SLC16A14: variants seen among roughly 807,000 people sequenced by gnomAD.
SLC16A14 encodes the protein monocarboxylate transporter 14.
Under a neutral mutation model 35.8 loss-of-function variants are expected in SLC16A14, and 14 were observed. That is an observed-to-expected ratio of 0.39 (90% CI 0.26 to 0.61). SLC16A14 has a LOEUF of 0.61. Among genes scored for constraint, SLC16A14 ranks in the 20% least tolerant of loss-of-function variants. The pLI, the probability that SLC16A14 is intolerant of heterozygous loss-of-function variation, is 0.51. For synonymous variants in SLC16A14, 248 were observed against 258.9 expected, an observed-to-expected ratio of 0.96 and a Z score of 0.40; for missense variants, 533 against 655.0, an observed-to-expected ratio of 0.81 and a Z score of 2.03.
In SLC16A14 at chr2:230,046,744, A is replaced by G. The variant is rs756901841; in HGVS notation, c.404-22T>C. 1.9e-6 allele frequency: 3 copies of G among 1,572,364 alleles called. No homozygotes were observed. The highest frequency in any genetic ancestry group is 2.6e-6 in the Non-Finnish European group (3 of 1,164,912). On this transcript the variant is annotated intron_variant, in intron 3 of 4. Coordinates refer to ENST00000295190, the MANE Select transcript of SLC16A14 (RefSeq NM_152527.5). This position sits in a 1 kb window ranked among gnomAD's most constrained non-coding sequence, Gnocchi z 5.0. ...AGGCCTGTACAGGCCGACGGGGGGA[A>G]GAAAAGACACAGTGCAACATCAGTG...
intron 3 of SLC16A14, among the ~76,000 whole-genome samples, chr2:230,047,012 C>CCAGG (rs984749457): frequency 1.3e-5 from 2 of 152,132 alleles, no homozygotes; most frequent in African/African-American, 2.4e-5. Flanking sequence ...AATAGAAGCT[C>CCAGG]CAGGCAGGCA....
At chr2:230,048,948 AATG>A (rs1465719003) in intron 3 of SLC16A14, among the ~76,000 whole-genome samples, 1 of 148,522 alleles carries the variant, frequency 6.7e-6, no homozygotes, top group Non-Finnish European at 1.5e-5. Context: ...AAAAAAAACA[AATG>A]ATTATTAAAG....
chr2:230,058,979 A>G lies in SLC16A14; in HGVS notation c.259+115T>C, dbSNP rs940328130. ...ATGCATATTTTATCACAATTGAAAA[A>G]TAGTAGCTAGTAACATCCAATATCG... On this transcript the variant is annotated intron_variant, in intron 2 of 4. Coordinates refer to ENST00000295190, the MANE Select transcript of SLC16A14 (RefSeq NM_152527.5). 64 of 1,475,956 alleles carry G rather than the reference A, an allele frequency of 4.3e-5. 1 individual carries two copies. In the Admixed American group the frequency reaches 1.5e-3, roughly 35 times the overall value. The allele number at this position is 1,475,956 out of a possible 1,614,324, so 91.4% of individuals were successfully genotyped here.
intron 1 of SLC16A14, among the ~76,000 whole-genome samples, chr2:230,064,758 C>T (rs192566428): frequency 6.6e-6 from 1 of 152,280 alleles, no homozygotes; most frequent in Non-Finnish European, 1.5e-5. Flanking sequence ...TGCCTGTAAT[C>T]CCAGCACTTT....
Position 230,046,850 on chromosome 2 carries a change from A to G in SLC16A14, c.404-128T>C, listed in dbSNP as rs1453247203. 1.2e-5 allele frequency: 13 copies of G among 1,114,024 alleles called. No individual in the cohort carries two copies. Among genetic ancestry groups the G allele is most frequent in the Non-Finnish European group, 1.5e-5 (12 of 816,672 alleles). The allele number at this position is 1,114,024 out of a possible 1,614,324, so 69.0% of individuals were successfully genotyped here. ...TTATGCTTTTTATTTCTAACAAAGC[A>G]ATAACACTGATTATTTAAAAAGCAG... On this transcript the variant is annotated intron_variant, in intron 3 of 4. Transcript: ENST00000295190. This position sits in a 1 kb window ranked among gnomAD's most constrained non-coding sequence, Gnocchi z 5.0.
chr2:230,054,422 A>C (rs1007303931), intron 2 of SLC16A14, among the ~76,000 whole-genome samples: 2 of 152,160 alleles, frequency 1.3e-5, no homozygotes, highest in Non-Finnish European at 2.9e-5. Flanking sequence ...CTCTATGTTC[A>C]CCTTATTTTA....
chr2:230,045,702 T>C, intron 4 of SLC16A14, 43 bp downstream of exon 4: 1 of 1,610,462 alleles, frequency 6.2e-7, no homozygotes, highest in South Asian at 1.1e-5. Context: ...TAACGCACCA[T>C]ATGTACATGC....
chr2:230,045,524 C>T, intron 4 of SLC16A14: 1 of 544,332 alleles, frequency 1.8e-6, no homozygotes, highest in Non-Finnish European at 3.3e-6. Context: ...CGCACCACTG[C>T]ACTCCAGCTG....
intron 1 of SLC16A14, among the ~76,000 whole-genome samples, chr2:230,063,064 G>T (rs1476692516): frequency 1.3e-5 from 2 of 151,998 alleles, no homozygotes; most frequent in Non-Finnish European, 2.9e-5. Flanking sequence ...GAGGTGTGTG[G>T]ATCACCTGAG....
rs1577380170 is a variant in SLC16A14, at chr2:230,038,155, T to A, written c.1382-624A>T. On this transcript the variant is annotated intron_variant, in intron 4 of 4. Transcript: ENST00000295190. The surrounding 1 kb of genome is among the most constrained non-coding windows in gnomAD (Gnocchi z 4.4). ...CTCTAAGTTGCCAAAGATACTGCCA[T>A]AGATGCTGACTAAATTATGTTATTT... Among the ~76,000 whole-genome samples, 1 of 152,222 alleles carries A rather than the reference T, an allele frequency of 6.6e-6. No individual in the cohort carries two copies. Among genetic ancestry groups the A allele is most frequent in the African/African-American group, 2.4e-5 (1 of 41,456 alleles).
intron 2 of SLC16A14, among the ~76,000 whole-genome samples, chr2:230,053,377 C>T (rs2077678179): frequency 6.6e-6 from 1 of 152,194 alleles, no homozygotes; most frequent in Non-Finnish European, 1.5e-5. Context: ...AATCCTTTGA[C>T]CATGACTCAC....
chr2:230,040,164 A>G (rs1441054974), intron 4 of SLC16A14, among the ~76,000 whole-genome samples: 2 of 152,136 alleles, frequency 1.3e-5, no homozygotes, highest in African/African-American at 2.4e-5. Context: ...GCAGAATATA[A>G]AAAATGTCTG....
intron 1 of SLC16A14, among the ~76,000 whole-genome samples, chr2:230,064,879 G>A (rs866023854): frequency 6.6e-6 from 1 of 151,978 alleles, no homozygotes; most frequent in African/African-American, 2.4e-5. Context: ...GTGTGGTGGC[G>A]CATGCCTGTA....
At chr2:230,054,843 C>T (rs1034724784) in intron 2 of SLC16A14, among the ~76,000 whole-genome samples, 15 of 149,870 alleles carry the variant, frequency 1.0e-4, no homozygotes, top group Admixed American at 8.1e-4. Context: ...TGCAGTGAGC[C>T]GAGATCGTGC....
At chr2:230,044,336 G>A (rs1461699115) in intron 4 of SLC16A14, among the ~76,000 whole-genome samples, 2 of 151,976 alleles carry the variant, frequency 1.3e-5, no homozygotes, top group Non-Finnish European at 2.9e-5. Context: ...AAATTAGCTG[G>A]GCATGGTGGC....
chr2:230,062,973 G>A (rs2077762903), intron 1 of SLC16A14, among the ~76,000 whole-genome samples: 1 of 152,146 alleles, frequency 6.6e-6, no homozygotes, highest in Non-Finnish European at 1.5e-5. Context: ...ATTGCTGGGA[G>A]TGATAAAATG....
At chr2:230,052,157 G>A (rs973363750) in intron 2 of SLC16A14, among the ~76,000 whole-genome samples, 22 of 152,058 alleles carry the variant, frequency 1.4e-4, no homozygotes, top group Admixed American at 1.2e-3. Flanking sequence ...GGATGGTCTC[G>A]ATCTCCTGAC....
intron 1 of SLC16A14, among the ~76,000 whole-genome samples, chr2:230,060,735 G>C (rs547744523): frequency 7.2e-5 from 11 of 152,050 alleles, no homozygotes; most frequent in African/African-American, 2.7e-4. Flanking sequence ...TGAGGATAAG[G>C]AGCAGGAGTC....
At position 230,037,420 on chromosome 2, in the gene SLC16A14, T is replaced by C; in HGVS notation, c.1493A>G (p.Glu498Gly). Residue 498 changes from glutamate (E) to glycine (G), a missense_variant, in exon 5 of 5, where the codon GAA becomes GGA. Physicochemically the swap from Glu to Gly is moderately conservative, Grantham distance 98 (BLOSUM62 -2). Coordinates refer to ENST00000295190, the MANE Select transcript of SLC16A14 (RefSeq NM_152527.5). Reference protein sequence around the residue: ...LLIQPCIRIIEQSRRKYMDGA... With the variant: ...LLIQPCIRIIGQSRRKYMDGA... ...ATCCATGTATTTTCTTCTGGATTGT[T>C]CTATAATTCGAATGCACGGCTGAAT... The C allele has an allele frequency of 1.2e-6, 2 of 1,612,880 alleles. No homozygotes were observed. Among genetic ancestry groups the C allele is most frequent in the Non-Finnish European group, 1.7e-6 (2 of 1,179,718 alleles).
Sources: allele counts gnomAD v4.1 joint callset (sites outside exome capture counted in the v4.1 genomes callset), GRCh38; gene constraint gnomAD v4.1.1; non-coding constraint Gnocchi (gnomAD v3.1); transcripts MANE v1.5; gene names NCBI Gene and HGNC (gene_info 2026-07-23, HGNC 2026-07-21).